The following NAV3 variants were observed in gnomAD, a reference collection of about 807,000 sequenced individuals.
NAV3 encodes pore membrane and/or filament interacting like protein 1.
Under a neutral mutation model 244.7 loss-of-function variants are expected in NAV3, and 87 were observed. That is an observed-to-expected ratio of 0.36 (90% CI 0.30 to 0.42). The LOEUF (loss-of-function observed/expected upper bound fraction) is 0.42, where lower values mean the gene tolerates loss of function less well. NAV3 is among the 20% of genes least tolerant of loss of function. The pLI is 1.00. For missense variants in NAV3, 2,663 were observed against 2,893.3 expected, an observed-to-expected ratio of 0.92 and a Z score of 1.83; for synonymous variants, 1,126 against 1,042.2, an observed-to-expected ratio of 1.08 and a Z score of -1.55.
intron 2 of NAV3, among the ~76,000 whole-genome samples, chr12:77,665,472 A>C (rs1361079980): frequency 6.6e-6 from 1 of 152,202 alleles, no homozygotes; most frequent in Non-Finnish European, 1.5e-5. Context: ...GCTTTCCAAA[A>C]AATATTTTTA....
intron 2 of NAV3, among the ~76,000 whole-genome samples, chr12:77,780,781 G>A (rs1565811425): frequency 6.6e-6 from 1 of 152,164 alleles, no homozygotes; most frequent in Non-Finnish European, 1.5e-5. Flanking sequence ...TCGCAAAGGA[G>A]TAAGTTTTCT....
chr12:78,160,378 AGTGTGTGT>A, intron 23 of NAV3, among the ~76,000 whole-genome samples: 1 of 134,076 alleles, frequency 7.5e-6, no homozygotes, highest in African/African-American at 2.8e-5. Context: ...AATTCTATGG[AGTGTGTGT>A]GTGTGTGTGT....
chr12:77,961,728 A>C (rs1221330591), intron 3 of NAV3, among the ~76,000 whole-genome samples: 1 of 137,876 alleles, frequency 7.3e-6, no homozygotes, highest in Non-Finnish European at 1.5e-5. Flanking sequence ...ACATATATGT[A>C]ATATATGATT....
chr12:77,973,163 T>G (rs1893144110), intron 5 of NAV3, among the ~76,000 whole-genome samples: 1 of 152,194 alleles, frequency 6.6e-6, no homozygotes, highest in Non-Finnish European at 1.5e-5. Flanking sequence ...AACAGATTAT[T>G]AAATGATTTT....
chr12:78,029,806 T>C (rs761435628), intron 9 of NAV3, among the ~76,000 whole-genome samples: 3 of 152,196 alleles, frequency 2.0e-5, no homozygotes, highest in Non-Finnish European at 4.4e-5. Context: ...TAATGCTATG[T>C]CATATTTTTT....
chr12:78,050,035 T>C lies in NAV3; in HGVS notation c.2066T>C (p.Ile689Thr). ...AGAAGAATGAGAACAGTTAAAAACA[T>C]AGCAGACTTGAGGCAGAATTTAGAA... ...ETRRMRTVKN[I>T]ADLRQNLEET... The change falls in exon 10 of 40, where the codon ATA becomes ACA. Residue 689 changes from isoleucine (I) to threonine (T), a missense_variant. Transcript: ENST00000397909. 1 of 1,613,340 alleles carries C rather than the reference T, an allele frequency of 6.2e-7. No homozygotes were observed. Among genetic ancestry groups the C allele is most frequent in the Non-Finnish European group, 8.5e-7 (1 of 1,179,750 alleles).
At chr12:77,937,948 T>C (rs1447946203) in intron 1 of NAV3, among the ~76,000 whole-genome samples, 1 of 150,896 alleles carries the variant, frequency 6.6e-6, no homozygotes, top group African/African-American at 2.5e-5. Context: ...GTAAGTATTA[T>C]TTTTCTCCTT....
At chr12:78,188,183 G>GA in intron 31 of NAV3, 65 bp from the exon 32 acceptor site, 1 of 1,210,624 alleles carries the variant, frequency 8.3e-7, no homozygotes, top group Non-Finnish European at 1.2e-6. Flanking sequence ...AATTTTAGTA[G>GA]AAAATGTAGT....
In NAV3 at chr12:77,691,355, A is replaced by ATATATATATATATATATATATATT. The variant is rs1491582943; in HGVS notation, c.72+119089_72+119090insTATATATATATATATATATATATT. 1.5e-5 allele frequency among the ~76,000 whole-genome samples: 2 copies of ATATATATATATATATATATATATT among 137,410 alleles called. 1 individual carries two copies. Among genetic ancestry groups the ATATATATATATATATATATATATT allele is most frequent in the Admixed American group, 1.5e-4 (2 of 13,660 alleles). The allele number at this position is 137,410 out of a possible 152,430, so 90.1% of individuals were successfully genotyped here. ...TATGTGTGTATATATATATATATAT[A>ATATATATATATATATATATATATT]CATATCCATTCTTGTACTTTTTCTG... On this transcript the variant is annotated intron_variant, in intron 2 of 8. Transcript: ENST00000550042.
chr12:77,812,170 T>C (rs1872316225), intron 2 of NAV3, among the ~76,000 whole-genome samples: 1 of 152,214 alleles, frequency 6.6e-6, no homozygotes, highest in Non-Finnish European at 1.5e-5. Flanking sequence ...GTTCAGATTA[T>C]TTAATTGAGA....
In NAV3 at chr12:77,768,869, A is replaced by G. The variant is rs74106535; in HGVS notation, c.73-171450A>G. 8.2e-3 allele frequency among the ~76,000 whole-genome samples: 1,256 copies of G among 152,340 alleles called. 20 individuals carry two copies. Among genetic ancestry groups the G allele is most frequent in the African/African-American group, 0.027 (1,135 of 41,588 alleles). On this transcript the variant is annotated intron_variant, in intron 2 of 8. Coordinates refer to the NAV3 transcript ENST00000550042. Reference sequence around the variant, plus strand: ...CTACTGCAGCCAGTGTCTTTTCAGCAGCTGCTCCAGATGAGCCACTGCAGC... The same window carrying G: ...CTACTGCAGCCAGTGTCTTTTCAGCGGCTGCTCCAGATGAGCCACTGCAGC...
intron 2 of NAV3, among the ~76,000 whole-genome samples, chr12:77,691,694 T>C (rs1875040422): frequency 1.3e-5 from 2 of 151,794 alleles, no homozygotes; most frequent in African/African-American, 2.4e-5. Flanking sequence ...GTGTATCTTA[T>C]TGTTTTCATT....
At chr12:77,811,743 C>T (rs991629919) in intron 2 of NAV3, among the ~76,000 whole-genome samples, 1 of 152,004 alleles carries the variant, frequency 6.6e-6, no homozygotes, top group Non-Finnish European at 1.5e-5. Context: ...TAAATTGACA[C>T]TAAACAAAGG....
At chr12:78,090,238 T>G (rs1953855194) in intron 12 of NAV3, among the ~76,000 whole-genome samples, 1 of 132,750 alleles carries the variant, frequency 7.5e-6, no homozygotes, top group African/African-American at 2.5e-5. Context: ...TTGAATTATA[T>G]ATATATATCA....
At chr12:77,730,615 A>G (rs765517852) in intron 2 of NAV3, among the ~76,000 whole-genome samples, 6 of 151,928 alleles carry the variant, frequency 3.9e-5, no homozygotes, top group Non-Finnish European at 7.4e-5. Flanking sequence ...ATAAAATAAA[A>G]TCCTATGATC....
Position 78,146,141 on chromosome 12 carries a change from G to T in NAV3, c.4684-228G>T, listed in dbSNP as rs150152247. Among the ~76,000 whole-genome samples the T allele has an allele frequency of 2.6e-4, 40 of 151,936 alleles. No individual in the cohort carries two copies. The East Asian group carries it at 6.8e-3, about 26-fold the overall frequency. On this transcript the variant is annotated intron_variant, in intron 20 of 39. Transcript: ENST00000397909. The stretch of plus-strand genomic sequence containing the variant: ...CTTAAAGGAATATTATGGATCAAAT[G>T]ACCTATATTTTAAGAATACCTTATG...
intron 39 of NAV3, 40 bp from the exon 40 acceptor site, chr12:78,210,358 T>C: frequency 6.2e-7 from 1 of 1,612,482 alleles, no homozygotes; most frequent in Non-Finnish European, 8.5e-7. Flanking sequence ...GCTTACTCAA[T>C]GCATCATTGC....
chr12:77,940,228 C>T, intron 1 of NAV3, 91 bp from the exon 2 acceptor site: 2 of 892,972 alleles, frequency 2.2e-6, no homozygotes, highest in Non-Finnish European at 3.6e-6. Context: ...TCCAGAATAG[C>T]TTCCCTTTGA....
At chr12:78,073,836 A>T (rs1467532816) in intron 12 of NAV3, among the ~76,000 whole-genome samples, 2 of 152,192 alleles carry the variant, frequency 1.3e-5, no homozygotes, top group African/African-American at 4.8e-5. Flanking sequence ...CTGGTACCAA[A>T]ACAGAGATAT....
Sources: allele counts gnomAD v4.1 joint callset (sites outside exome capture counted in the v4.1 genomes callset), GRCh38; gene constraint gnomAD v4.1.1; transcripts MANE v1.5; gene names NCBI Gene and HGNC (gene_info 2026-07-23, HGNC 2026-07-21).